Variants in ZFHX3 observed in about 807,000 individuals in gnomAD.
The protein encoded by ZFHX3 is zinc finger homeobox protein 3.
Under a neutral mutation model 279.1 loss-of-function variants are expected in ZFHX3, and 42 were observed. The ratio of observed to expected loss-of-function variants is 0.15; its 90% CI spans 0.12 to 0.19. ZFHX3 has a LOEUF of 0.19. ZFHX3 is among the 10% of genes least tolerant of loss of function. The pLI is 1.00. For synonymous variants in ZFHX3, 2,293 were observed against 1,957.8 expected, an observed-to-expected ratio of 1.17 and a Z score of -4.52; for missense variants, 4,981 against 4,754.0, an observed-to-expected ratio of 1.05 and a Z score of -1.40.
chr16:73,739,689 A>G (rs2053637949), intron 1 of ZFHX3, among the ~76,000 whole-genome samples: 1 of 152,128 alleles, frequency 6.6e-6, no homozygotes, highest in East Asian at 1.9e-4. Context: ...GGTGGGAGAA[A>G]GGGTGACACA....
At chr16:73,208,295 G>C (rs1359611133) in intron 5 of ZFHX3, among the ~76,000 whole-genome samples, 3 of 152,152 alleles carry the variant, frequency 2.0e-5, no homozygotes, top group Non-Finnish European at 4.4e-5. Context: ...TTTGTGACAA[G>C]TTTTCCACTG....
At chr16:73,206,087 A>C (rs1038632170) in intron 5 of ZFHX3, among the ~76,000 whole-genome samples, 1 of 152,226 alleles carries the variant, frequency 6.6e-6, no homozygotes, top group Admixed American at 6.5e-5. Context: ...GGCAACATAC[A>C]ATAGAGATGC....
At chr16:73,001,495 C>T (rs1286482620) in intron 1 of ZFHX3, among the ~76,000 whole-genome samples, 1 of 152,124 alleles carries the variant, frequency 6.6e-6, no homozygotes, top group Admixed American at 6.5e-5. Context: ...GATAACAATA[C>T]ACATCTCCAT....
chr16:73,233,337 C>T (rs1404985963), intron 5 of ZFHX3, among the ~76,000 whole-genome samples: 1 of 151,954 alleles, frequency 6.6e-6, no homozygotes, highest in East Asian at 1.9e-4. Flanking sequence ...AAATGAAAAC[C>T]CCAAAACCAG....
At chr16:73,788,339 G>C (rs1372053437) in intron 1 of ZFHX3, among the ~76,000 whole-genome samples, 1 of 152,186 alleles carries the variant, frequency 6.6e-6, no homozygotes, top group Non-Finnish European at 1.5e-5. Context: ...CCCTGGGCTT[G>C]GAGAGAATAG....
intron 1 of ZFHX3, among the ~76,000 whole-genome samples, chr16:73,817,362 A>G (rs754505635): frequency 6.6e-6 from 1 of 152,190 alleles, no homozygotes; most frequent in Non-Finnish European, 1.5e-5. Context: ...GCAGTTTGCT[A>G]CTTCTCAAAG....
At position 72,907,545 on chromosome 16, in the gene ZFHX3, T is replaced by TTGTGTGTGTGTGTG. The variant is rs547618913; in HGVS notation, c.3217-17597_3217-17584dup. The stretch of plus-strand genomic sequence containing the variant: ...CTCGGTTTCCAAAGGTTTCCTCTAT[T>TTGTGTGTGTGTGTG]TGTGTGTGTGTGTGTGTGTGTGTGT... On this transcript the variant is annotated intron_variant, in intron 3 of 9. Transcript: ENST00000268489. Among the ~76,000 whole-genome samples the TTGTGTGTGTGTGTG allele has an allele frequency of 1.6e-3, 192 of 120,460 alleles. 1 individual carries two copies. Among genetic ancestry groups the TTGTGTGTGTGTGTG allele is most frequent in the Admixed American group, 5.4e-3 (61 of 11,318 alleles). The allele number at this position is 120,460 out of a possible 152,430, so 79.0% of individuals were successfully genotyped here. A position where few individuals can be genotyped will look rare whatever the true frequency, so the allele number is the denominator to read the frequency against.
chr16:73,295,071 C>T (rs894776849), intron 4 of ZFHX3, among the ~76,000 whole-genome samples: 1 of 151,906 alleles, frequency 6.6e-6, no homozygotes, highest in Admixed American at 6.6e-5. Flanking sequence ...AAAAATTAGC[C>T]AGGCATGGTG....
At chr16:73,000,973 C>G (rs958823842) in intron 1 of ZFHX3, among the ~76,000 whole-genome samples, 5 of 152,214 alleles carry the variant, frequency 3.3e-5, no homozygotes, top group African/African-American at 1.2e-4. Context: ...AGCCTCTAAG[C>G]CAGATCCTCC....
intron 3 of ZFHX3, among the ~76,000 whole-genome samples, chr16:73,324,880 T>A (rs2015649482): frequency 6.6e-6 from 1 of 152,176 alleles, no homozygotes; most frequent in African/African-American, 2.4e-5. Context: ...TCAGCCTCGG[T>A]TTTGTGACAG....
At chr16:72,849,505 C>A (rs960232025) in intron 4 of ZFHX3, among the ~76,000 whole-genome samples, 1 of 152,180 alleles carries the variant, frequency 6.6e-6, no homozygotes, top group African/African-American at 2.4e-5. Flanking sequence ...TAAGTCCCAA[C>A]CCATGCCCTG....
At chr16:73,089,710 A>G (rs1158256333) in intron 8 of ZFHX3, among the ~76,000 whole-genome samples, 1 of 152,214 alleles carries the variant, frequency 6.6e-6, no homozygotes, top group South Asian at 2.1e-4. Context: ...CCTTGCAGAC[A>G]CAGAGCCTGA....
chr16:73,541,306 G>A (rs73602930), intron 2 of ZFHX3, among the ~76,000 whole-genome samples: 9,887 of 151,932 alleles, frequency 0.065, 547 homozygotes, highest in Admixed American at 0.16. Flanking sequence ...GCAACATAGC[G>A]AGACCTCATC....
At chr16:72,867,265 A>G (rs1317757350) in intron 4 of ZFHX3, among the ~76,000 whole-genome samples, 1 of 152,224 alleles carries the variant, frequency 6.6e-6, no homozygotes, top group Non-Finnish European at 1.5e-5. Flanking sequence ...ATATTATGTG[A>G]TTACTCTGAG....
At chr16:73,657,606 T>C (rs1479714953) in intron 2 of ZFHX3, among the ~76,000 whole-genome samples, 1 of 152,118 alleles carries the variant, frequency 6.6e-6, no homozygotes, top group African/African-American at 2.4e-5. Flanking sequence ...AACCCCCATC[T>C]CCTTTCTCCC....
intron 4 of ZFHX3, among the ~76,000 whole-genome samples, chr16:73,310,350 G>T (rs769087404): frequency 2.6e-5 from 4 of 152,150 alleles, no homozygotes; most frequent in Admixed American, 6.6e-5. Flanking sequence ...AAGAAAAAGT[G>T]ACCAATTTTT....
At chr16:73,223,761 T>C (rs774073886) in intron 5 of ZFHX3, among the ~76,000 whole-genome samples, 7 of 152,214 alleles carry the variant, frequency 4.6e-5, no homozygotes, top group Non-Finnish European at 1.0e-4. Context: ...CAGATGTTTA[T>C]AACAGGTCTA....
chr16:73,199,641 A>C (rs938254407), intron 5 of ZFHX3, among the ~76,000 whole-genome samples: 2 of 152,200 alleles, frequency 1.3e-5, no homozygotes, highest in African/African-American at 4.8e-5. Context: ...TTAACACCTC[A>C]AGGTAAGATC....
chr16:73,408,894 T>C (rs2017414543), intron 3 of ZFHX3, among the ~76,000 whole-genome samples: 1 of 152,038 alleles, frequency 6.6e-6, no homozygotes, highest in South Asian at 2.1e-4. Context: ...CTTCCAGACC[T>C]GCTCAAACTT....
Sources: allele counts gnomAD v4.1 joint callset (sites outside exome capture counted in the v4.1 genomes callset), GRCh38; gene constraint gnomAD v4.1.1; transcripts MANE v1.5; gene names NCBI Gene and HGNC (gene_info 2026-07-23, HGNC 2026-07-21).